ENO3: variants seen among roughly 807,000 people sequenced by gnomAD.
The protein encoded by ENO3 is beta-enolase.
Under a neutral mutation model 47.7 loss-of-function variants are expected in ENO3, and 46 were observed. The observed-to-expected ratio is 0.96, with a 90% CI of 0.76 to 1.23. The LOEUF is 1.23. ENO3 is among the 50% of genes most tolerant of loss of function. ENO3 has a pLI of 0.00. For missense variants in ENO3, 575 were observed against 566.2 expected (o/e 1.02, Z -0.16); for synonymous variants, 223 against 225.9 (o/e 0.99, Z 0.11).
intron 1 of ENO3, 163 bp from the exon 2 acceptor site, chr17:4,951,665 G>C (rs982867428): frequency 1.6e-5 from 12 of 727,476 alleles, no homozygotes; most frequent in Non-Finnish European, 2.9e-5. Context: ...TTCTGAGTGG[G>C]GGAGGGGGCT....
rs1971550230 is a variant in ENO3, at chr17:4,951,864, T to TG, written c.37dup (p.Asp13GlyfsTer33). ...CAGAAAATCTTTGCCCGGGAAATCT[T>TG]GGACTCCAGGGGCAACCCCACGGTG... On this transcript the variant is annotated frameshift_variant, in exon 2 of 12. Transcript: ENST00000519602. LOFTEE classifies it high-confidence loss of function. 1 of 1,614,022 alleles carries TG rather than the reference T, an allele frequency of 6.2e-7. No homozygotes were observed. Among genetic ancestry groups the TG allele is most frequent in the Admixed American group, 1.7e-5 (1 of 60,000 alleles).
chr17:4,956,547 C>T (rs772261785), intron 9 of ENO3, 26 bp from the exon 10 acceptor site: 1 of 1,612,074 alleles, frequency 6.2e-7, no homozygotes, highest in Non-Finnish European at 8.5e-7. Context: ...TTCTAGAAGG[C>T]CACATCAAAT....
At chr17:4,954,036 A>C (rs1429296075) in intron 6 of ENO3, 191 bp downstream of exon 6, 4 of 845,386 alleles carry the variant, frequency 4.7e-6, no homozygotes, top group Non-Finnish European at 7.5e-6. Context: ...TGAAGGCTCT[A>C]TGTGCTTCCT....
At chr17:4,953,446 C>T (rs772722816) in intron 5 of ENO3, 105 bp downstream of exon 5, 724 of 1,502,736 alleles carry the variant, frequency 4.8e-4, no homozygotes, top group Non-Finnish European at 5.1e-4. Context: ...CATTTTGGGT[C>T]ACACCGCAGC....
rs370752383 is a variant in ENO3, at chr17:4,955,620, G to C, written c.865+16G>C. The C allele has an allele frequency of 5.6e-6, 9 of 1,614,194 alleles. No homozygotes were observed. The highest frequency in any genetic ancestry group is 4.2e-6 in the Non-Finnish European group (5 of 1,180,004). On this transcript the variant is annotated intron_variant, in intron 8 of 11. Coordinates refer to ENST00000519602, the MANE Select transcript of ENO3 (RefSeq NM_053013.4). Reference sequence around the variant, plus strand: ...AACTATCCTGGTGAGGCGTTCGGGTGTCCCAGTGTTCCTGCCCGAATCCCG... The same window carrying C: ...AACTATCCTGGTGAGGCGTTCGGGTCTCCCAGTGTTCCTGCCCGAATCCCG...
chr17:4,950,449 C>G (rs1597693987), upstream of ENO3: 1 of 575,730 alleles, frequency 1.7e-6, no homozygotes, highest in East Asian at 1.4e-4. Context: ...GAAAGGGGCT[C>G]TGACCGACAG....
In ENO3 at chr17:4,955,496, C is replaced by G. The variant is rs1168619267; in HGVS notation, c.757C>G (p.Arg253Gly). 4 of 1,614,210 alleles carry G rather than the reference C, an allele frequency of 2.5e-6. No homozygotes were observed. The South Asian group carries it at 4.4e-5, about 18-fold the overall frequency. Reference protein sequence around the residue: ...GMDVAASEFYRNGKYDLDFKS... With the variant: ...GMDVAASEFYGNGKYDLDFKS... Reference sequence around the variant, plus strand: ...GGATGTGGCAGCATCTGAGTTCTATCGCAATGGGAAGTACGATCTTGACTT... The same window carrying G: ...GGATGTGGCAGCATCTGAGTTCTATGGCAATGGGAAGTACGATCTTGACTT... Residue 253 changes from arginine (R) to glycine (G), a missense_variant, in exon 8 of 12, where the codon CGC becomes GGC. By Grantham distance (125) the Arg-to-Gly change is moderately radical. Coordinates refer to ENST00000519602, the MANE Select transcript of ENO3 (RefSeq NM_053013.4).
Position 4,956,574 on chromosome 17 carries a change from T to C in ENO3, c.1069T>C (p.Cys357Arg). The change falls in exon 10 of 12, where the codon TGC becomes CGC. Residue 357 changes from cysteine (C) to arginine (R), a missense_variant and splice_region_variant. Cys to Arg is a radical substitution (Grantham distance 180). Coordinates refer to ENST00000519602, the MANE Select transcript of ENO3 (RefSeq NM_053013.4). ...ACATCAAATGTCCTCTCCACTCAGGTGCAAACTGGCTCAGTCTAATGGCTG... is the reference window on the plus strand; with the variant it reads ...ACATCAAATGTCCTCTCCACTCAGGCGCAAACTGGCTCAGTCTAATGGCTG... ...IGSVTESIQA[C>R]KLAQSNGWGV... 1 of 1,614,170 alleles carries C rather than the reference T, an allele frequency of 6.2e-7. No individual in the cohort carries two copies. The highest frequency in any genetic ancestry group is 8.5e-7 in the Non-Finnish European group (1 of 1,180,022).
intron 6 of ENO3, 115 bp downstream of exon 6, chr17:4,953,960 T>A: frequency 6.6e-7 from 1 of 1,512,050 alleles, no homozygotes; most frequent in Non-Finnish European, 9.0e-7. Flanking sequence ...AGAAGCAGTT[T>A]CCTGAAATTG....
Position 4,957,123 on chromosome 17 carries a change from C to A in ENO3, c.*76C>A. On this transcript the variant is annotated 3_prime_UTR_variant, in exon 12 of 12. Coordinates refer to ENST00000519602, the MANE Select transcript of ENO3 (RefSeq NM_053013.4). ...TGCTTCCTGAAATAAACACTGGTGC[C>A]AACCAAGACAGCTGTGTGCTTCTTT... is the stretch of plus-strand genomic sequence containing the variant. 6.3e-7 allele frequency: 1 copy of A among 1,575,484 alleles called. No individual in the cohort carries two copies. Among genetic ancestry groups the A allele is most frequent in the Non-Finnish European group, 8.7e-7 (1 of 1,147,640 alleles).
chr17:4,951,750 A>G, intron 1 of ENO3, 78 bp from the exon 2 acceptor site: 1 of 1,496,546 alleles, frequency 6.7e-7, no homozygotes. Context: ...GGAGTGGGGA[A>G]GAATCTTAAA....
In ENO3 at chr17:4,956,637, G is replaced by A. The variant is rs759238253; in HGVS notation, c.1132G>A (p.Asp378Asn). The A allele has an allele frequency of 5.0e-6, 8 of 1,614,070 alleles. No individual in the cohort carries two copies. The East Asian group carries it at 1.1e-4, about 22-fold the overall frequency. The change falls in exon 10 of 12, where the codon GAC (aspartate) becomes AAC (asparagine). Residue 378 changes from aspartate (D) to asparagine (N), a missense_variant. Physicochemically the swap from Asp to Asn is conservative, Grantham distance 23. Transcript: ENST00000519602. Reference sequence around the variant, plus strand: ...GAGCCACCGCTCTGGGGAGACTGAGGACACATTCATTGCTGACCTTGTGGT... The same window carrying A: ...GAGCCACCGCTCTGGGGAGACTGAGAACACATTCATTGCTGACCTTGTGGT... ...MVSHRSGETEDTFIADLVVGL... is the reference protein window; with the variant it reads ...MVSHRSGETENTFIADLVVGL...
At chr17:4,950,781 C>T (rs1328248120), upstream of ENO3, among the ~76,000 whole-genome samples, 1 of 152,196 alleles carries the variant, frequency 6.6e-6, no homozygotes, top group Non-Finnish European at 1.5e-5. Context: ...CAGGTTACCC[C>T]TGGCCTTTCC....
chr17:4,953,255 C>G lies in ENO3; in HGVS notation c.241-17C>G. The G allele has an allele frequency of 6.2e-7, 1 of 1,614,234 alleles. No homozygotes were observed. Among genetic ancestry groups the G allele is most frequent in the African/African-American group, 1.3e-5 (1 of 75,066 alleles). ...AAATCTGACCTCTGCTCTCCCTTCTCAAACTCACCCTTCCAGAAACTAAGC... is the reference window on the plus strand; with the variant it reads ...AAATCTGACCTCTGCTCTCCCTTCTGAAACTCACCCTTCCAGAAACTAAGC... On this transcript the variant is annotated splice_polypyrimidine_tract_variant and intron_variant, in intron 4 of 11. Transcript: ENST00000519602.
chr17:4,951,297 G>GA, intron 1 of ENO3, 115 bp downstream of exon 1: 1 of 1,012,802 alleles, frequency 9.9e-7, no homozygotes, highest in African/African-American at 1.7e-5. Context: ...GGAGATGCTT[G>GA]AAAAAGCTGG....
At chr17:4,955,691 A>G (rs759416821) in intron 8 of ENO3, 87 bp downstream of exon 8, 33 of 1,571,486 alleles carry the variant, frequency 2.1e-5, no homozygotes, top group Non-Finnish European at 2.8e-5. Context: ...TTTGCCATCG[A>G]CTTGGATCCT....
upstream of ENO3, among the ~76,000 whole-genome samples, chr17:4,949,931 G>T (rs1382285352): frequency 6.6e-6 from 1 of 151,908 alleles, no homozygotes; most frequent in East Asian, 1.9e-4. Context: ...CTGACCCCTG[G>T]CCCACCGCAC....
rs142501820 is a variant in ENO3 at position 4,956,003 on chromosome 17, G to A, written c.927G>A (p.Ser309=). Residue 309 remains serine (S), a synonymous_variant, in exon 9 of 12, where the codon TCG becomes TCA. Transcript: ENST00000519602. ...GGGCCACTTGGACCTCCTTCCTCTC[G>A]GGGGTGAACATCCAGATTGTGGGGG... ...DDWATWTSFL[S]GVNIQIVGDD... is the part of the protein sequence containing the mutation. 1.5e-5 allele frequency: 25 copies of A among 1,613,762 alleles called. No homozygotes were observed. Among genetic ancestry groups the A allele is most frequent in the East Asian group, 6.7e-5 (3 of 44,886 alleles).
At chr17:4,950,824 A>G (rs986850401), upstream of ENO3, among the ~76,000 whole-genome samples, 9 of 152,168 alleles carry the variant, frequency 5.9e-5, no homozygotes, top group Non-Finnish European at 1.3e-4. Flanking sequence ...ACGTTTGCAA[A>G]AGGGGAATGT....
Sources: gnomAD v4.1 joint callset for allele counts (sites outside exome capture counted in the v4.1 genomes callset) on GRCh38, gnomAD v4.1.1 for gene constraint, MANE v1.5 for transcripts, NCBI Gene and HGNC (gene_info 2026-07-23, HGNC 2026-07-21) for gene names.